Variants in GNG7 observed in about 807,000 individuals in gnomAD.
The protein encoded by GNG7 is G protein subunit gamma 7.
Under a neutral mutation model 4.0 loss-of-function variants are expected in GNG7, and 1 was observed. The observed-to-expected ratio is 0.25, with a 90% confidence interval of 0.09 to 1.18. The LOEUF is 1.18. Ranked by LOEUF, GNG7 falls within the 50% of genes most tolerant of loss-of-function variation. The pLI is 0.50. For missense variants in GNG7, 86 were observed against 91.9 expected (o/e 0.94, Z 0.26); for synonymous variants, 34 against 36.9 (o/e 0.92, Z 0.29).
chr19:2,685,920 G>C (rs1684244518), intron 1 of GNG7, among the ~76,000 whole-genome samples: 2 of 152,244 alleles, frequency 1.3e-5, no homozygotes, highest in South Asian at 4.1e-4. Flanking sequence ...CGCGAGAGGA[G>C]GCCTGAGCTC....
rs180694998 is a variant in GNG7 at position 2,626,206 on chromosome 19, C to T, written c.-78+20018G>A. Among the ~76,000 whole-genome samples, 2 of 152,270 alleles carry T rather than the reference C, an allele frequency of 1.3e-5. No individual in the cohort carries two copies. The highest frequency in any genetic ancestry group is 1.9e-4 in the East Asian group (1 of 5,176). On this transcript the variant is annotated intron_variant, in intron 2 of 4. Transcript: ENST00000382159. This position sits in a 1 kb window ranked among gnomAD's most constrained non-coding sequence, Gnocchi z 5.0. ...TGCCCACCTGACCCCGTGTCTCCAG[C>T]GGGAACGTGAAGCTGATGCTGCTCC...
intron 2 of GNG7, among the ~76,000 whole-genome samples, chr19:2,597,581 G>A (rs1248246566): frequency 7.3e-6 from 1 of 136,700 alleles, no homozygotes; most frequent in East Asian, 2.3e-4. Context: ...TGGGTGACAA[G>A]AGCAAAACTC....
chr19:2,581,955 G>A (rs1182101401), intron 2 of GNG7, among the ~76,000 whole-genome samples: 1 of 152,180 alleles, frequency 6.6e-6, no homozygotes, highest in Non-Finnish European at 1.5e-5. Flanking sequence ...CAGGGTGCCA[G>A]CATCATCCTA....
chr19:2,531,278 T>C (rs2144737682), intron 3 of GNG7, among the ~76,000 whole-genome samples: 1 of 131,306 alleles, frequency 7.6e-6, no homozygotes, highest in East Asian at 2.4e-4. Flanking sequence ...TATTCCAGCT[T>C]TGGCAGCTGA....
chr19:2,515,300 C>T (rs1161766200), intron 4 of GNG7, among the ~76,000 whole-genome samples, 153 bp from the exon 5 acceptor site: 1 of 152,172 alleles, frequency 6.6e-6, no homozygotes, highest in Non-Finnish European at 1.5e-5. Flanking sequence ...CGTCCACACG[C>T]TGGAATATTA....
At chr19:2,583,521 G>C (rs907664120) in intron 2 of GNG7, among the ~76,000 whole-genome samples, 14 of 152,298 alleles carry the variant, frequency 9.2e-5, no homozygotes, top group African/African-American at 3.4e-4. Context: ...ACCCCTTGTT[G>C]GTGCAGGTGC....
intron 2 of GNG7, among the ~76,000 whole-genome samples, chr19:2,605,591 G>A (rs1016129398): frequency 7.5e-6 from 1 of 133,450 alleles, no homozygotes; most frequent in Non-Finnish European, 1.5e-5. Flanking sequence ...TTGGCTTACT[G>A]CAACCTCTGC....
intron 2 of GNG7, chr19:2,643,236 A>C: frequency 2.2e-6 from 1 of 446,268 alleles, no homozygotes. Flanking sequence ...CTGGAAATGC[A>C]AAGTCTGAGC....
chr19:2,655,235 C>T, intron 1 of GNG7, among the ~76,000 whole-genome samples: 1 of 150,392 alleles, frequency 6.6e-6, no homozygotes, highest in Non-Finnish European at 1.5e-5. Flanking sequence ...AAAAGAGACC[C>T]TATCTCAAAA....
At chr19:2,550,842 G>T (rs1568239854) in intron 3 of GNG7, among the ~76,000 whole-genome samples, 1 of 152,178 alleles carries the variant, frequency 6.6e-6, no homozygotes, top group Non-Finnish European at 1.5e-5. Context: ...GCCTGCAGGG[G>T]GCACGGGAGA....
intron 1 of GNG7, among the ~76,000 whole-genome samples, chr19:2,657,364 ATAT>A (rs1983020467): frequency 2.3e-4 from 4 of 17,434 alleles, no homozygotes; most frequent in African/African-American, 5.7e-4. Flanking sequence ...AAAAAAAAAT[ATAT>A]ATATATATAT....
At chr19:2,551,497 T>C (rs545796026) in intron 3 of GNG7, among the ~76,000 whole-genome samples, 1 of 123,398 alleles carries the variant, frequency 8.1e-6, no homozygotes, top group African/African-American at 3.1e-5. Flanking sequence ...TGGTAAATTA[T>C]ATTTTCATAC....
At chr19:2,608,199 C>T (rs1044549453) in intron 2 of GNG7, among the ~76,000 whole-genome samples, 2 of 151,954 alleles carry the variant, frequency 1.3e-5, no homozygotes, top group Non-Finnish European at 2.9e-5. Flanking sequence ...GAACGATTCA[C>T]AGGTGGCGAA....
At chr19:2,590,757 C>T (rs1980827808) in intron 2 of GNG7, among the ~76,000 whole-genome samples, 1 of 149,682 alleles carries the variant, frequency 6.7e-6, no homozygotes, top group African/African-American at 2.5e-5. Context: ...ATCCACCCAC[C>T]TAACCAACCA....
intron 1 of GNG7, among the ~76,000 whole-genome samples, chr19:2,659,591 T>C (rs1478183153): frequency 3.3e-5 from 1 of 30,346 alleles, no homozygotes; most frequent in African/African-American, 1.8e-4. Flanking sequence ...AGACTCCATC[T>C]TAAAAAAAAA....
intron 1 of GNG7, among the ~76,000 whole-genome samples, chr19:2,695,958 AGACCAGCCTGGGCAACATGGT>A (rs569068443): frequency 0.023 from 3,443 of 152,206 alleles, 49 homozygotes; most frequent in Non-Finnish European, 0.034. Context: ...CAGGAGTTCG[AGACCAGCCTGGGCAACATGGT>A]GAAACCCTGT....
At chr19:2,525,489 C>G (rs35590611) in intron 3 of GNG7, among the ~76,000 whole-genome samples, 1 of 15,016 alleles carries the variant, frequency 6.7e-5, no homozygotes. Context: ...GATGAGGGTA[C>G]CCCCCCACTC....
At chr19:2,539,358 T>C (rs971712061) in intron 3 of GNG7, among the ~76,000 whole-genome samples, 1 of 149,774 alleles carries the variant, frequency 6.7e-6, no homozygotes, top group Non-Finnish European at 1.5e-5. Context: ...CAGGCTGGAG[T>C]ACAAAGGCGT....
chr19:2,637,397 G>A (rs528119987), intron 2 of GNG7, among the ~76,000 whole-genome samples: 1 of 152,020 alleles, frequency 6.6e-6, no homozygotes, highest in Non-Finnish European at 1.5e-5. Flanking sequence ...AGAGACCCCC[G>A]CAGGCGCCTG....
Sources: allele counts gnomAD v4.1 joint callset (sites outside exome capture counted in the v4.1 genomes callset), GRCh38; gene constraint gnomAD v4.1.1; non-coding constraint Gnocchi (gnomAD v3.1); transcripts MANE v1.5; gene names NCBI Gene and HGNC (gene_info 2026-07-23, HGNC 2026-07-21).